Variants in FSHB observed in about 807,000 individuals in gnomAD.
FSHB encodes follitropin subunit beta.
Under a neutral mutation model 12.1 loss-of-function variants are expected in FSHB, and 8 were observed. The ratio of observed to expected loss-of-function variants is 0.66; its 90% CI spans 0.39 to 1.19. The LOEUF (loss-of-function observed/expected upper bound fraction) is 1.19. Ranked by LOEUF, FSHB falls within the 50% of genes most tolerant of loss-of-function variation. The probability of loss-of-function intolerance (pLI) is 0.01; values close to 1 mark genes in which losing one functional copy is unlikely to be tolerated. For synonymous variants in FSHB, 55 were observed against 54.6 expected (o/e 1.01, Z -0.04); for missense variants, 153 against 157.2 (o/e 0.97, Z 0.14).
In FSHB at chr11:30,234,768, TAAATA is replaced by T. The variant is rs1203895433; in HGVS notation, c.*971_*975del. 2 of 152,206 alleles carry T rather than the reference TAAATA, an allele frequency of 1.3e-5. No individual in the cohort carries two copies. Among genetic ancestry groups the T allele is most frequent in the Non-Finnish European group, 2.9e-5 (2 of 68,026 alleles). 9.4% of individuals were successfully genotyped at this position (152,206 alleles called of 1,614,324 possible). A position where few individuals can be genotyped will look rare whatever the true frequency, so the allele number is the denominator to read the frequency against. ...TAATTTGTCTACAAATATATTTGTA[TAAATA>T]AATAGCTCCTTTAGAAAGAATTAGC... is the stretch of plus-strand genomic sequence containing the variant. On this transcript the variant is annotated 3_prime_UTR_variant, in exon 3 of 3. Transcript: ENST00000533718.
chr11:30,233,753 C>G lies in FSHB; in HGVS notation c.343C>G (p.Arg115Gly). The G allele has an allele frequency of 1.2e-6, 2 of 1,613,984 alleles. No individual in the cohort carries two copies. Among genetic ancestry groups the G allele is most frequent in the South Asian group, 1.1e-5 (1 of 91,074 alleles). The change falls in exon 3 of 3, where the codon CGA (arginine) becomes GGA (glycine). Residue 115 changes from arginine to glycine, a missense_variant. Physicochemically the swap from Arg to Gly is moderately radical, Grantham distance 125 (BLOSUM62 -2). Coordinates refer to ENST00000533718, the MANE Select transcript of FSHB (RefSeq NM_001382289.1). ...CAGCGACAGCACTGATTGTACTGTG[C>G]GAGGCCTGGGGCCCAGCTACTGCTC... The part of the protein sequence containing the change: ...CDSDSTDCTV[R>G]GLGPSYCSFG...
In FSHB at chr11:30,233,572, T is replaced by C. The variant is rs926067580; in HGVS notation, c.162T>C (p.Asp54=). The C allele has an allele frequency of 6.2e-7, 1 of 1,612,160 alleles. No individual in the cohort carries two copies. Among genetic ancestry groups the C allele is most frequent in the Non-Finnish European group, 8.5e-7 (1 of 1,178,380 alleles). The part of the protein sequence containing the change: ...TWCAGYCYTR[D]LVYKDPARPK... ...AACTCTCTTCTTAAACTCCTCAGGA[T>C]CTGGTGTATAAGGACCCAGCCAGGC... is the stretch of plus-strand genomic sequence containing the variant. The change falls in exon 3 of 3, where the codon GAT becomes GAC. Residue 54 remains aspartate (D), a splice_region_variant and synonymous_variant. Coordinates refer to ENST00000533718, the MANE Select transcript of FSHB (RefSeq NM_001382289.1).
Position 30,233,551 on chromosome 11 carries a change from C to G in FSHB, c.160-19C>G. The G allele has an allele frequency of 6.3e-7, 1 of 1,587,512 alleles. No individual in the cohort carries two copies. Among genetic ancestry groups the G allele is most frequent in the Non-Finnish European group, 8.7e-7 (1 of 1,155,932 alleles). ...ACTTCCACAATACCATAACCTAACT[C>G]TCTTCTTAAACTCCTCAGGATCTGG... On this transcript the variant is annotated intron_variant, in intron 2 of 2. Transcript: ENST00000533718.
chr11:30,231,736 A>C, intron 1 of FSHB, 130 bp from the exon 2 acceptor site: 1 of 675,970 alleles, frequency 1.5e-6, no homozygotes, highest in South Asian at 1.8e-5. Context: ...CAAGAAACAA[A>C]GATGTAAGTA....
In FSHB at chr11:30,233,652, T is replaced by G; in HGVS notation, c.242T>G (p.Val81Gly). ...GAACTGGTATACGAAACAGTGAGAGTGCCCGGCTGTGCTCACCATGCAGAT... is the reference window on the plus strand; with the variant it reads ...GAACTGGTATACGAAACAGTGAGAGGGCCCGGCTGTGCTCACCATGCAGAT... Reference protein sequence around the residue: ...FKELVYETVRVPGCAHHADSL... With the variant: ...FKELVYETVRGPGCAHHADSL... The change falls in exon 3 of 3, where the codon GTG becomes GGG. Residue 81 changes from valine to glycine, a missense_variant. Coordinates refer to ENST00000533718, the MANE Select transcript of FSHB (RefSeq NM_001382289.1). 1 of 1,613,990 alleles carries G rather than the reference T, an allele frequency of 6.2e-7. No homozygotes were observed. The highest frequency in any genetic ancestry group is 1.1e-5 in the South Asian group (1 of 91,082).
chr11:30,231,330 T>C (rs572190491), intron 1 of FSHB, among the ~76,000 whole-genome samples: 1 of 152,228 alleles, frequency 6.6e-6, no homozygotes, highest in East Asian at 1.9e-4. Context: ...CATAATTTTG[T>C]AGTATAGAAT....
chr11:30,234,368 A>G lies in FSHB; in HGVS notation c.*568A>G, dbSNP rs575538316. ...GGCTGCCCGCAGCCACACCAGTCCC[A>G]TGAAAGTTAGTGGCATCAGTTCCAC... On this transcript the variant is annotated 3_prime_UTR_variant, in exon 3 of 3. Coordinates refer to ENST00000533718, the MANE Select transcript of FSHB (RefSeq NM_001382289.1). The G allele has an allele frequency of 6.1e-6, 1 of 163,380 alleles. No individual in the cohort carries two copies. Among genetic ancestry groups the G allele is most frequent in the South Asian group, 1.7e-4 (1 of 5,992 alleles). The allele number at this position is 163,380 out of a possible 1,614,324, so 10.1% of individuals were successfully genotyped here.
intron 2 of FSHB, among the ~76,000 whole-genome samples, chr11:30,232,686 A>G (rs1316901388): frequency 6.6e-6 from 1 of 152,222 alleles, no homozygotes; most frequent in Non-Finnish European, 1.5e-5. Context: ...GTTTCCTTGC[A>G]TTAATACAAG....
At position 30,231,965 on chromosome 11, in the gene FSHB, T is replaced by C; in HGVS notation, c.63T>C (p.Cys21=). 1 of 1,613,950 alleles carries C rather than the reference T, an allele frequency of 6.2e-7. No individual in the cohort carries two copies. The highest frequency in any genetic ancestry group is 8.5e-7 in the Non-Finnish European group (1 of 1,179,862). Residue 21 remains cysteine (C), a synonymous_variant, in exon 2 of 3, where the codon TGT becomes TGC. Coordinates refer to ENST00000533718, the MANE Select transcript of FSHB (RefSeq NM_001382289.1). Reference sequence around the variant, plus strand: ...GGAAAGCAATCTGCTGCAATAGCTGTGAGCTGACCAACATCACCATTGCAA... The same window carrying C: ...GGAAAGCAATCTGCTGCAATAGCTGCGAGCTGACCAACATCACCATTGCAA... ...CCWKAICCNS[C]ELTNITIAIE...
chr11:30,232,100 G>A (rs1222917930), intron 2 of FSHB, 39 bp downstream of exon 2: 2 of 1,602,694 alleles, frequency 1.2e-6, no homozygotes. Flanking sequence ...GGTGTTGAAG[G>A]TCTGTATTAG....
At position 30,231,899 on chromosome 11, in the gene FSHB, C is replaced by T. The variant is rs1852012015; in HGVS notation, c.-4C>T. ...GGGCTTCATTGTTTGCTTCCCAGAC[C>T]AGGATGAAGACACTCCAGTTTTTCT... On this transcript the variant is annotated 5_prime_UTR_variant, in exon 2 of 3. Coordinates refer to ENST00000533718, the MANE Select transcript of FSHB (RefSeq NM_001382289.1). The T allele has an allele frequency of 6.2e-7, 1 of 1,613,614 alleles. No homozygotes were observed. The highest frequency in any genetic ancestry group is 1.3e-5 in the African/African-American group (1 of 74,884).
Position 30,234,057 on chromosome 11 carries a change from G to A in FSHB, c.*257G>A. On this transcript the variant is annotated 3_prime_UTR_variant, in exon 3 of 3. Transcript: ENST00000533718. The stretch of plus-strand genomic sequence containing the variant: ...AGTCTTAACTCACAGACTTGTGCCT[G>A]GTTTCTTCTTTAAAAATCTTAGAAA... 2.2e-6 allele frequency: 1 copy of A among 459,142 alleles called. No individual in the cohort carries two copies. The highest frequency in any genetic ancestry group is 4.0e-6 in the Non-Finnish European group (1 of 249,426). The allele number at this position is 459,142 out of a possible 1,614,324, so 28.4% of individuals were successfully genotyped here.
chr11:30,233,179 C>A (rs1296288277), intron 2 of FSHB, among the ~76,000 whole-genome samples: 1 of 151,962 alleles, frequency 6.6e-6, no homozygotes, highest in Admixed American at 6.6e-5. Flanking sequence ...ATACTCAGGG[C>A]AGTGTATTTT....
chr11:30,233,881 CCAGGGGA>C lies in FSHB; in HGVS notation c.*84_*90del, dbSNP rs1852044903. On this transcript the variant is annotated 3_prime_UTR_variant, in exon 3 of 3. Transcript: ENST00000533718. Reference sequence around the variant, plus strand: ...AAAAGTCTGTGTGTGTGCAATGTGCCCAGGGGACAAACCACTGGATCAGGGGATTCAG... The same window carrying C: ...AAAAGTCTGTGTGTGTGCAATGTGCCCAAACCACTGGATCAGGGGATTCAG... 2.6e-5 allele frequency: 30 copies of C among 1,156,558 alleles called. No homozygotes were observed. In the South Asian group the frequency reaches 3.8e-4, roughly 14 times the overall value. 71.6% of individuals were successfully genotyped at this position (1,156,558 alleles called of 1,614,324 possible).
rs1025631903 is a variant in FSHB at position 30,232,052 on chromosome 11, C to T, written c.150C>T (p.Cys50=). ...SINTTWCAGY[C]YTRDLVYKDP... Reference sequence around the variant, plus strand: ...ACACCACTTGGTGTGCTGGCTACTGCTACACCAGGGTAGGTACCATGTTTT... The same window carrying T: ...ACACCACTTGGTGTGCTGGCTACTGTTACACCAGGGTAGGTACCATGTTTT... The change falls in exon 2 of 3, where the codon TGC becomes TGT. Residue 50 remains cysteine (C), a synonymous_variant. Transcript: ENST00000533718. 1 of 1,613,706 alleles carries T rather than the reference C, an allele frequency of 6.2e-7. No homozygotes were observed. The highest frequency in any genetic ancestry group is 1.3e-5 in the African/African-American group (1 of 74,928).
rs1478920056 is a variant in FSHB at position 30,233,594 on chromosome 11, A to G, written c.184A>G (p.Arg62Gly). Residue 62 changes from arginine to glycine, a missense_variant, in exon 3 of 3, where the codon AGG becomes GGG. Physicochemically the swap from Arg to Gly is moderately radical, Grantham distance 125 (BLOSUM62 -2). Coordinates refer to ENST00000533718, the MANE Select transcript of FSHB (RefSeq NM_001382289.1). Reference sequence around the variant, plus strand: ...GGATCTGGTGTATAAGGACCCAGCCAGGCCCAAAATCCAGAAAACATGTAC... The same window carrying G: ...GGATCTGGTGTATAAGGACCCAGCCGGGCCCAAAATCCAGAAAACATGTAC... ...TRDLVYKDPA[R>G]PKIQKTCTFK... The G allele has an allele frequency of 6.2e-7, 1 of 1,613,844 alleles. No individual in the cohort carries two copies. Among genetic ancestry groups the G allele is most frequent in the Non-Finnish European group, 8.5e-7 (1 of 1,179,900 alleles).
rs140328289 is a variant in FSHB, at chr11:30,233,656, C to T, written c.246C>T (p.Pro82=). The change falls in exon 3 of 3, where the codon CCC becomes CCT. Residue 82 remains proline, a synonymous_variant. Coordinates refer to ENST00000533718, the MANE Select transcript of FSHB (RefSeq NM_001382289.1). ...KELVYETVRV[P]GCAHHADSLY... The stretch of plus-strand genomic sequence containing the variant: ...TGGTATACGAAACAGTGAGAGTGCC[C>T]GGCTGTGCTCACCATGCAGATTCCT... 7.5e-5 allele frequency: 121 copies of T among 1,614,004 alleles called. No individual in the cohort carries two copies. Among genetic ancestry groups the T allele is most frequent in the East Asian group, 1.1e-4 (5 of 44,844 alleles).
rs1318841246 is a variant in FSHB at position 30,233,774 on chromosome 11, T to G, written c.364T>G (p.Cys122Gly). The G allele has an allele frequency of 1.2e-6, 2 of 1,613,972 alleles. No individual in the cohort carries two copies. Among genetic ancestry groups the G allele is most frequent in the Non-Finnish European group, 1.7e-6 (2 of 1,179,878 alleles). The change falls in exon 3 of 3, where the codon TGC becomes GGC. Residue 122 changes from cysteine to glycine, a missense_variant. Transcript: ENST00000533718. ...TGTGCGAGGCCTGGGGCCCAGCTAC[T>G]GCTCCTTTGGTGAAATGAAAGAATA... Reference protein sequence around the residue: ...CTVRGLGPSYCSFGEMKE With the variant: ...CTVRGLGPSYGSFGEMKE
At chr11:30,232,136 T>C (rs1852017111) in intron 2 of FSHB, 75 bp downstream of exon 2, 3 of 1,475,178 alleles carry the variant, frequency 2.0e-6, no homozygotes, top group Non-Finnish European at 2.8e-6. Context: ...TTCTACTTTA[T>C]CAATATTTTA....
Sources: allele counts gnomAD v4.1 joint callset (sites outside exome capture counted in the v4.1 genomes callset), GRCh38; gene constraint gnomAD v4.1.1; transcripts MANE v1.5; gene names NCBI Gene and HGNC (gene_info 2026-07-23, HGNC 2026-07-21).